The following NPY1R variants were observed in gnomAD, a reference collection of about 807,000 sequenced individuals.
NPY1R encodes the protein neuropeptide Y receptor type 1.
A neutral mutation model predicts 24.1 loss-of-function variants in NPY1R; 10 were observed. The ratio of observed to expected loss-of-function variants is 0.42; its 90% CI spans 0.26 to 0.71. The LOEUF (loss-of-function observed/expected upper bound fraction) is 0.71. Among genes scored for constraint, NPY1R ranks in the 30% least tolerant of loss-of-function variants. The pLI, the probability that NPY1R is intolerant of heterozygous loss-of-function variation, is 0.28. For missense variants in NPY1R, 350 were observed against 458.0 expected (o/e 0.76, Z 2.15); for synonymous variants, 168 against 165.9 (o/e 1.01, Z -0.10).
intron 1 of NPY1R, among the ~76,000 whole-genome samples, chr4:163,329,419 G>A (rs2081769618): frequency 6.6e-6 from 1 of 152,046 alleles, no homozygotes; most frequent in Non-Finnish European, 1.5e-5. Context: ...TGGCCAACAT[G>A]GTGAAACCTT....
chr4:163,326,579 T>C lies in NPY1R; in HGVS notation c.-25A>G. 1.4e-6 allele frequency: 2 copies of C among 1,446,214 alleles called. No homozygotes were observed. The highest frequency in any genetic ancestry group is 1.9e-6 in the Non-Finnish European group (2 of 1,048,376). The allele number at this position is 1,446,214 out of a possible 1,614,324, so 89.6% of individuals were successfully genotyped here. ...TTTTGATTGGTTTGGTTGTTATAGA[T>C]TATTTTAGACAAATGGACAGTATGT... On this transcript the variant is annotated 5_prime_UTR_variant, in exon 2 of 3. Coordinates refer to ENST00000296533, the MANE Select transcript of NPY1R (RefSeq NM_000909.6).
rs1192498800 is a variant in NPY1R at position 163,326,530 on chromosome 4, C to T, written c.25G>A (p.Val9Ile). The T allele has an allele frequency of 1.9e-6, 3 of 1,600,886 alleles. No homozygotes were observed. The highest frequency in any genetic ancestry group is 2.2e-5 in the East Asian group (1 of 44,824). The change falls in exon 2 of 3, where the codon GTT becomes ATT. Residue 9 changes from valine (V) to isoleucine (I), a missense_variant. Transcript: ENST00000296533. ...TTAGAGTGGACTGAATGATTTTCAA[C>T]CTGGGAAAATAATGTTGAATTCATT... MNSTLFSQVENHSVHSNFS... is the reference protein window; with the variant it reads MNSTLFSQIENHSVHSNFS...
At chr4:163,328,682 T>C (rs1035098885) in intron 1 of NPY1R, among the ~76,000 whole-genome samples, 4 of 152,290 alleles carry the variant, frequency 2.6e-5, no homozygotes, top group Admixed American at 2.6e-4. Flanking sequence ...ATAATCCCAA[T>C]GTGAATACAC....
At chr4:163,343,672 G>A (rs543377497) in intron 1 of NPY1R, among the ~76,000 whole-genome samples, 114 of 152,290 alleles carry the variant, frequency 7.5e-4, no homozygotes, top group African/African-American at 2.6e-3. Context: ...AACTTGGTCG[G>A]CCTGGGACCC....
chr4:163,342,957 T>TTCTCTCTC (rs111227651), intron 1 of NPY1R, among the ~76,000 whole-genome samples: 4 of 133,290 alleles, frequency 3.0e-5, no homozygotes, highest in South Asian at 2.5e-4. Context: ...CCTTCTCTCC[T>TTCTCTCTC]TCTCTCTCTC....
chr4:163,331,085 C>T (rs533889655), intron 1 of NPY1R: 2 of 152,380 alleles, frequency 1.3e-5, no homozygotes, highest in East Asian at 3.9e-4. Context: ...GGTGGGGAAC[C>T]TGGTCGGGTT....
At position 163,324,655 on chromosome 4, in the gene NPY1R, G is replaced by C. The variant is rs1024767801; in HGVS notation, c.*648C>G. The stretch of plus-strand genomic sequence containing the variant: ...GCCCCAATTCTCCATAATATTTGCA[G>C]CTGAGAAGTATGTCTTTTTATTCAT... On this transcript the variant is annotated 3_prime_UTR_variant, in exon 3 of 3. Coordinates refer to ENST00000296533, the MANE Select transcript of NPY1R (RefSeq NM_000909.6). 4.6e-5 allele frequency: 7 copies of C among 151,590 alleles called. No homozygotes were observed. The highest frequency in any genetic ancestry group is 1.0e-4 in the Non-Finnish European group (7 of 67,946). The allele number at this position is 151,590 out of a possible 1,614,324, so 9.4% of individuals were successfully genotyped here. A position where few individuals can be genotyped will look rare whatever the true frequency, so the allele number is the denominator to read the frequency against.
chr4:163,328,901 T>C (rs1003138359), intron 1 of NPY1R, among the ~76,000 whole-genome samples: 1 of 152,202 alleles, frequency 6.6e-6, no homozygotes, highest in Non-Finnish European at 1.5e-5. Context: ...GCATACTTCA[T>C]AGTACCTTGC....
At chr4:163,340,403 A>G (rs1734951578) in intron 1 of NPY1R, among the ~76,000 whole-genome samples, 1 of 151,936 alleles carries the variant, frequency 6.6e-6, no homozygotes, top group Non-Finnish European at 1.5e-5. Context: ...ACTTTTTGAA[A>G]TGAATACATG....
chr4:163,326,745 T>C (rs147927922), intron 1 of NPY1R, 40 bp from the exon 2 acceptor site: 96 of 476,348 alleles, frequency 2.0e-4, no homozygotes, highest in African/African-American at 1.8e-3. Context: ...CTAATTTTAT[T>C]GAGGGCAGTC....
rs545863180 is a variant in NPY1R at position 163,332,144 on chromosome 4, G to C, written c.-152+338C>G. Among the ~76,000 whole-genome samples, 5 of 152,360 alleles carry C rather than the reference G, an allele frequency of 3.3e-5. No homozygotes were observed. The South Asian group carries it at 1.0e-3, about 32-fold the overall frequency. On this transcript the variant is annotated intron_variant, in intron 1 of 2. Coordinates refer to ENST00000296533, the MANE Select transcript of NPY1R (RefSeq NM_000909.6). ...AGCGGGTGTGGGATAGGCGAACTCG[G>C]GCGCCTTCCCAGTGCCTCGGCCTTT...
chr4:163,327,942 T>A (rs947704789), intron 1 of NPY1R, among the ~76,000 whole-genome samples: 1 of 152,164 alleles, frequency 6.6e-6, no homozygotes, highest in Non-Finnish European at 1.5e-5. Flanking sequence ...CTTTTCTTTC[T>A]TAAATAAGAC....
At chr4:163,336,758 C>T (rs918419695), upstream of NPY1R, among the ~76,000 whole-genome samples, 14 of 152,120 alleles carry the variant, frequency 9.2e-5, no homozygotes, top group Admixed American at 2.0e-4. Flanking sequence ...GTCAGGAGTT[C>T]GAGACCAGCC....
chr4:163,328,086 A>AG (rs34050449), intron 1 of NPY1R, among the ~76,000 whole-genome samples: 96,083 of 143,322 alleles, frequency 0.67, 31,535 homozygotes, highest in East Asian at 0.93. Context: ...CTAGAACATG[A>AG]GTTTTTTTTT....
At chr4:163,333,880 AT>A (rs1217470101), upstream of NPY1R, among the ~76,000 whole-genome samples, 2 of 152,208 alleles carry the variant, frequency 1.3e-5, no homozygotes, top group Non-Finnish European at 2.9e-5. Flanking sequence ...AAGAATTAAA[AT>A]GTCATGATTA....
At chr4:163,336,825 G>A (rs367888954), upstream of NPY1R, among the ~76,000 whole-genome samples, 32 of 152,244 alleles carry the variant, frequency 2.1e-4, no homozygotes, top group East Asian at 2.3e-3. Flanking sequence ...GCCAGGCATG[G>A]TGGCATGTGC....
chr4:163,330,009 C>T (rs968851858), intron 1 of NPY1R, among the ~76,000 whole-genome samples: 4 of 151,906 alleles, frequency 2.6e-5, no homozygotes, highest in East Asian at 1.9e-4. Context: ...TTACTATTCT[C>T]GCTGCTGTTT....
chr4:163,325,394 A>G lies in NPY1R; in HGVS notation c.1064T>C (p.Met355Thr). The change falls in exon 3 of 3, where the codon ATG becomes ACG. Residue 355 changes from methionine to threonine, a missense_variant. Transcript: ENST00000296533. ...AGAAGTTTTGGAAACATCTGTGTGCATCGTGGACATGGCTATTGTTTCATA... is the reference window on the plus strand; with the variant it reads ...AGAAGTTTTGGAAACATCTGTGTGCGTCGTGGACATGGCTATTGTTTCATA... ...DDYETIAMST[M>T]HTDVSKTSLK... 6.2e-7 allele frequency: 1 copy of G among 1,614,136 alleles called. No individual in the cohort carries two copies. The highest frequency in any genetic ancestry group is 8.5e-7 in the Non-Finnish European group (1 of 1,179,986).
At chr4:163,329,624 CTG>C (rs1445104963) in intron 1 of NPY1R, among the ~76,000 whole-genome samples, 3 of 151,438 alleles carry the variant, frequency 2.0e-5, no homozygotes, top group Admixed American at 6.6e-5. Context: ...GAAAGAGAAA[CTG>C]GGATTTGGGG....
Sources: allele counts gnomAD v4.1 joint callset (sites outside exome capture counted in the v4.1 genomes callset), GRCh38; gene constraint gnomAD v4.1.1; transcripts MANE v1.5; gene names NCBI Gene and HGNC (gene_info 2026-07-23, HGNC 2026-07-21).